Variants in MAP4K3 observed in about 807,000 individuals in gnomAD.
MAP4K3 encodes the protein mitogen-activated protein kinase kinase kinase kinase 3.
In MAP4K3, 94 loss-of-function variants were observed where a neutral mutation model predicts 143.5. That is an observed-to-expected ratio of 0.65 (90% CI 0.55 to 0.78). MAP4K3 has a LOEUF of 0.78. Among genes scored for constraint, MAP4K3 ranks in the 30% least tolerant of loss-of-function variants. The pLI is 0.00. For missense variants in MAP4K3, 1,077 were observed against 1,068.1 expected (o/e 1.01, Z -0.12); for synonymous variants, 416 against 347.2 (o/e 1.20, Z -2.20).
At chr2:39,387,948 A>T in intron 1 of MAP4K3, among the ~76,000 whole-genome samples, 1 of 152,372 alleles carries the variant, frequency 6.6e-6, no homozygotes, top group East Asian at 1.9e-4. Flanking sequence ...CACTTAGCAG[A>T]TAATAATTGG....
At chr2:39,349,372 C>T (rs1665384361) in intron 3 of MAP4K3, among the ~76,000 whole-genome samples, 1 of 152,042 alleles carries the variant, frequency 6.6e-6, no homozygotes, top group Non-Finnish European at 1.5e-5. Flanking sequence ...GGTAAGGATG[C>T]TGTACTCAGG....
At chr2:39,333,444 G>C in intron 7 of MAP4K3, 88 bp downstream of exon 7, 1 of 998,462 alleles carries the variant, frequency 1.0e-6, no homozygotes, top group East Asian at 2.4e-5. Context: ...TCTTAGGAGA[G>C]GGAAAACCTG....
chr2:39,264,894 A>G (rs1446127233), intron 28 of MAP4K3, among the ~76,000 whole-genome samples: 1 of 152,208 alleles, frequency 6.6e-6, no homozygotes, highest in African/African-American at 2.4e-5. Flanking sequence ...ATGGAGGTCA[A>G]CCAGAGAGTG....
Position 39,258,458 on chromosome 2 carries a change from A to G in MAP4K3, c.2378-18T>C. The G allele has an allele frequency of 6.2e-7, 1 of 1,601,276 alleles. No individual in the cohort carries two copies. The highest frequency in any genetic ancestry group is 8.6e-7 in the Non-Finnish European group (1 of 1,169,562). ...TATACAACCTAGAGGAAAAAAAGTC[A>G]CTCAGAAACTAAGATAAAAGAAGTC... On this transcript the variant is annotated intron_variant, in intron 30 of 33. Coordinates refer to ENST00000263881, the MANE Select transcript of MAP4K3 (RefSeq NM_003618.4).
chr2:39,400,090 C>G lies in MAP4K3; in HGVS notation c.97-21967G>C, dbSNP rs561195023. Among the ~76,000 whole-genome samples, 6 of 152,278 alleles carry G rather than the reference C, an allele frequency of 3.9e-5. No homozygotes were observed. The South Asian group carries it at 1.2e-3, about 32-fold the overall frequency. ...CCTCAAATTAATCCCCCCAAAAACC[C>G]TGCTATACTTTAGGTGTAGTGATAC... On this transcript the variant is annotated intron_variant, in intron 1 of 33. Coordinates refer to ENST00000263881, the MANE Select transcript of MAP4K3 (RefSeq NM_003618.4).
Position 39,356,277 on chromosome 2 carries a change from T to C in MAP4K3, c.217A>G (p.Ile73Val). 4 of 1,601,204 alleles carry C rather than the reference T, an allele frequency of 2.5e-6. No homozygotes were observed. The highest frequency in any genetic ancestry group is 3.4e-6 in the Non-Finnish European group (4 of 1,173,758). ...IMMKDCKHPN[I>V]VAYFGSYLRR... ...AGATAGCTTCCAAAATAAGCAACAA[T>C]ATTTGGGTGTTTACAGTCTTTCATC... The change falls in exon 3 of 34, where the codon ATT (isoleucine) becomes GTT (valine). Residue 73 changes from isoleucine (I) to valine (V), a missense_variant. By Grantham distance (29) the Ile-to-Val change is conservative. Transcript: ENST00000263881.
At chr2:39,281,623 T>C (rs1224983126) in intron 22 of MAP4K3, among the ~76,000 whole-genome samples, 3 of 152,140 alleles carry the variant, frequency 2.0e-5, no homozygotes, top group Admixed American at 1.3e-4. Context: ...AGCTGGAGTC[T>C]ACCTGGCATT....
intron 2 of MAP4K3, among the ~76,000 whole-genome samples, chr2:39,360,783 T>C (rs1161679313): frequency 1.3e-5 from 2 of 151,880 alleles, no homozygotes; most frequent in Non-Finnish European, 2.9e-5. Flanking sequence ...AACCATCAGA[T>C]CTCATGAGAA....
intron 8 of MAP4K3, among the ~76,000 whole-genome samples, chr2:39,330,488 T>C (rs1683647457): frequency 6.6e-6 from 1 of 152,070 alleles, no homozygotes; most frequent in Non-Finnish European, 1.5e-5. Context: ...GAGTACATCA[T>C]GAAAGAAGAA....
chr2:39,420,577 T>A (rs1430511736), intron 1 of MAP4K3, among the ~76,000 whole-genome samples: 2 of 151,110 alleles, frequency 1.3e-5, no homozygotes, highest in Non-Finnish European at 3.0e-5. Context: ...CCACCATGCC[T>A]GGCTTTTTTT....
intron 6 of MAP4K3, among the ~76,000 whole-genome samples, chr2:39,336,081 A>G (rs978023343): frequency 1.3e-5 from 2 of 152,226 alleles, no homozygotes; most frequent in African/African-American, 2.4e-5. Context: ...ATCTTTAGAA[A>G]TATGCTAAGG....
intron 17 of MAP4K3, 81 bp from the exon 18 acceptor site, chr2:39,292,907 A>G: frequency 8.7e-7 from 1 of 1,148,156 alleles, no homozygotes; most frequent in Non-Finnish European, 1.3e-6. Flanking sequence ...ATGCAGGAAA[A>G]GCTACTGTAA....
In MAP4K3 at chr2:39,436,913, G is replaced by A. The variant is rs750266378; in HGVS notation, c.75C>T (p.Gly25=). 1.2e-6 allele frequency: 2 copies of A among 1,611,850 alleles called. No homozygotes were observed. The highest frequency in any genetic ancestry group is 3.3e-5 in the Admixed American group (2 of 59,976). ...DFELIQRIGS[G]TYGDVYKARN... Reference sequence around the variant, plus strand: ...TTACCTTGTAGACGTCGCCGTAGGTGCCGCTGCCGATGCGCTGAATCAGCT... The same window carrying A: ...TTACCTTGTAGACGTCGCCGTAGGTACCGCTGCCGATGCGCTGAATCAGCT... Residue 25 remains glycine, a synonymous_variant, in exon 1 of 34, where the codon GGC becomes GGT. Transcript: ENST00000263881.
At chr2:39,392,741 GTTGT>G (rs1048919550) in intron 1 of MAP4K3, among the ~76,000 whole-genome samples, 7 of 152,182 alleles carry the variant, frequency 4.6e-5, no homozygotes, top group Admixed American at 3.9e-4. Context: ...GAGGAAGTAG[GTTGT>G]TTATCTTGAG....
chr2:39,420,602 G>A (rs1209455769), intron 1 of MAP4K3, among the ~76,000 whole-genome samples: 1 of 150,132 alleles, frequency 6.7e-6, no homozygotes, highest in Non-Finnish European at 1.5e-5. Context: ...TTTAAGAGAT[G>A]AGGTCTAGCT....
chr2:39,271,063 T>C (rs1680998505), intron 26 of MAP4K3, among the ~76,000 whole-genome samples: 1 of 152,046 alleles, frequency 6.6e-6, no homozygotes, highest in South Asian at 2.1e-4. Flanking sequence ...GTATAATTTA[T>C]CCAAGGTCCC....
intron 1 of MAP4K3, among the ~76,000 whole-genome samples, chr2:39,382,076 A>G (rs1035913336): frequency 1.3e-5 from 2 of 152,192 alleles, no homozygotes; most frequent in African/African-American, 4.8e-5. Context: ...GCTGTACCAG[A>G]ATTTAGTTTG....
intron 24 of MAP4K3, among the ~76,000 whole-genome samples, chr2:39,274,295 C>G (rs1228570687): frequency 1.3e-5 from 2 of 151,336 alleles, no homozygotes; most frequent in Non-Finnish European, 2.9e-5. Flanking sequence ...CCGCTCACTG[C>G]AAGCTCCGCC....
chr2:39,290,263 A>G (rs1681983613), intron 19 of MAP4K3, 29 bp downstream of exon 19: 1 of 1,566,294 alleles, frequency 6.4e-7, no homozygotes, highest in South Asian at 1.2e-5. Context: ...TAACACACAT[A>G]TATCAAATTG....
Sources: allele counts gnomAD v4.1 joint callset (sites outside exome capture counted in the v4.1 genomes callset), GRCh38; gene constraint gnomAD v4.1.1; transcripts MANE v1.5; gene names NCBI Gene and HGNC (gene_info 2026-07-23, HGNC 2026-07-21).